TRIM59: variants seen among roughly 807,000 people sequenced by gnomAD.
The protein encoded by TRIM59 is tripartite motif-containing protein 59.
TRIM59 carries 14 observed loss-of-function variants against 32.2 expected under a neutral mutation model. That is an observed-to-expected ratio of 0.43 (90% CI 0.29 to 0.68). The LOEUF (loss-of-function observed/expected upper bound fraction) is 0.68, where lower values mean the gene tolerates loss of function less well. Among genes scored for constraint, TRIM59 ranks in the 30% least tolerant of loss-of-function variants. The pLI, the probability that TRIM59 is intolerant of heterozygous loss-of-function variation, is 0.15. For synonymous variants in TRIM59, 163 were observed against 155.1 expected (o/e 1.05, Z -0.38); for missense variants, 471 against 463.3 (o/e 1.02, Z -0.15).
At chr3:160,447,463 C>T (rs1308886921) in intron 2 of TRIM59, among the ~76,000 whole-genome samples, 3 of 152,126 alleles carry the variant, frequency 2.0e-5, no homozygotes, top group Non-Finnish European at 4.4e-5. Context: ...AAAACAAATA[C>T]ATTTCTGAAT....
chr3:160,443,323 T>A (rs1364331615), intron 2 of TRIM59, among the ~76,000 whole-genome samples: 1 of 151,880 alleles, frequency 6.6e-6, no homozygotes, highest in East Asian at 1.9e-4. Flanking sequence ...TTCCAAACAG[T>A]AAAAACATCA....
At chr3:160,440,120 C>G (rs1292149202) in intron 2 of TRIM59, among the ~76,000 whole-genome samples, 1 of 152,122 alleles carries the variant, frequency 6.6e-6, no homozygotes. Context: ...AATTAGAATA[C>G]AAGAACGCTT....
chr3:160,448,672 C>T, intron 2 of TRIM59, 54 bp downstream of exon 2: 1 of 1,039,766 alleles, frequency 9.6e-7, no homozygotes, highest in Non-Finnish European at 1.3e-6. Flanking sequence ...AAATCATACA[C>T]TCTGTAAAAA....
rs539529055 is a variant in TRIM59 at position 160,443,265 on chromosome 3, A to G, written c.-3-4079T>C. On this transcript the variant is annotated intron_variant, in intron 2 of 2. Transcript: ENST00000309784. Reference sequence around the variant, plus strand: ...AAAAGAACAAAAAATTAACCTATGTATATTTTCTAGGATGAACATCTTGGA... The same window carrying G: ...AAAAGAACAAAAAATTAACCTATGTGTATTTTCTAGGATGAACATCTTGGA... Among the ~76,000 whole-genome samples, 52 of 152,358 alleles carry G rather than the reference A, an allele frequency of 3.4e-4. 2 individuals are homozygous for G. In the South Asian group the frequency reaches 9.9e-3, roughly 29 times the overall value.
At chr3:160,439,327 T>A (rs988667676) in intron 2 of TRIM59, 141 bp from the exon 3 acceptor site, 5 of 653,298 alleles carry the variant, frequency 7.7e-6, no homozygotes, top group South Asian at 1.1e-4. Context: ...TGAAGTTTTC[T>A]GAGTAATTCA....
rs565343489 is a variant in TRIM59, at chr3:160,449,731, G to T, written c.-88C>A. On this transcript the variant is annotated 5_prime_UTR_variant, in exon 1 of 3. Transcript: ENST00000309784. The stretch of plus-strand genomic sequence containing the variant: ...CTTAGACTCACCGCGGGGAGGAAGC[G>T]GACCAGGCAACTCCACAGCACGGAA... 8.5e-6 allele frequency: 11 copies of T among 1,289,970 alleles called. No individual in the cohort carries two copies. In the South Asian group the frequency reaches 9.9e-5, roughly 12 times the overall value. 79.9% of individuals were successfully genotyped at this position (1,289,970 alleles called of 1,614,324 possible). A position where few individuals can be genotyped will look rare whatever the true frequency, so the allele number is the denominator to read the frequency against.
Position 160,436,333 on chromosome 3 carries a change from G to A in TRIM59, c.*1639C>T, listed in dbSNP as rs541752181. The A allele has an allele frequency of 4.3e-5, 42 of 986,188 alleles. No individual in the cohort carries two copies. Among genetic ancestry groups the A allele is most frequent in the African/African-American group, 1.6e-4 (9 of 57,346 alleles). The allele number at this position is 986,188 out of a possible 1,614,324, so 61.1% of individuals were successfully genotyped here. A position where few individuals can be genotyped will look rare whatever the true frequency, so the allele number is the denominator to read the frequency against. On this transcript the variant is annotated 3_prime_UTR_variant, in exon 3 of 3. Coordinates refer to ENST00000309784, the MANE Select transcript of TRIM59 (RefSeq NM_173084.3). ...TGATTTGATATAGGTAAGGCTCTTC[G>A]GTGATCCAAGAGCAGCCCCTTTGGG...
In TRIM59 at chr3:160,448,755, T is replaced by C. The variant is rs1318442358; in HGVS notation, c.-33A>G. 3.9e-6 allele frequency: 5 copies of C among 1,281,708 alleles called. No individual in the cohort carries two copies. In the Middle Eastern group the frequency reaches 8.0e-4, roughly 206 times the overall value. 79.4% of individuals were successfully genotyped at this position (1,281,708 alleles called of 1,614,324 possible). ...TTGATCTCGTGGTTTGGGGGCTGAA[T>C]ACACTCTTCTCCAACTCCTCCAGAA... On this transcript the variant is annotated 5_prime_UTR_variant, in exon 2 of 3. Coordinates refer to ENST00000309784, the MANE Select transcript of TRIM59 (RefSeq NM_173084.3).
At chr3:160,439,454 G>A (rs1244359308) in intron 2 of TRIM59, among the ~76,000 whole-genome samples, 1 of 152,106 alleles carries the variant, frequency 6.6e-6, no homozygotes, top group Non-Finnish European at 1.5e-5. Flanking sequence ...TCAAATTTAA[G>A]TTATTTAAAT....
At chr3:160,443,009 C>T (rs902680182) in intron 2 of TRIM59, among the ~76,000 whole-genome samples, 5 of 152,124 alleles carry the variant, frequency 3.3e-5, no homozygotes, top group African/African-American at 1.2e-4. Flanking sequence ...ATCCCAGCTA[C>T]GCGGGGAGCT....
rs927196126 is a variant in TRIM59 at position 160,436,080 on chromosome 3, C to T, written c.*1892G>A. On this transcript the variant is annotated 3_prime_UTR_variant, in exon 3 of 3. Transcript: ENST00000309784. ...CTAGCTGAGTATGTGTCTCTCCTTACCTCTACTATGCCCTTTAAATGTTCT... is the reference window on the plus strand; with the variant it reads ...CTAGCTGAGTATGTGTCTCTCCTTATCTCTACTATGCCCTTTAAATGTTCT... The T allele has an allele frequency of 8.7e-7, 1 of 1,148,356 alleles. No individual in the cohort carries two copies. Among genetic ancestry groups the T allele is most frequent in the African/African-American group, 1.6e-5 (1 of 61,166 alleles). The allele number at this position is 1,148,356 out of a possible 1,614,324, so 71.1% of individuals were successfully genotyped here.
chr3:160,438,423 A>C lies in TRIM59; in HGVS notation c.761T>G (p.Val254Gly). Residue 254 changes from valine to glycine, a missense_variant, in exon 3 of 3, where the codon GTT (valine) becomes GGT (glycine). Physicochemically the swap from Val to Gly is moderately radical, Grantham distance 109. Coordinates refer to ENST00000309784, the MANE Select transcript of TRIM59 (RefSeq NM_173084.3). ...EESPLKFLEK[V>G]DDVRQHVQIL... is the part of the protein sequence containing the mutation. ...CTGTACATGCTGGCGTACATCATCA[A>C]CTTTTTCAAGAAATTTAAGTGGAGA... 6 of 1,614,020 alleles carry C rather than the reference A, an allele frequency of 3.7e-6. No individual in the cohort carries two copies. The highest frequency in any genetic ancestry group is 5.1e-6 in the Non-Finnish European group (6 of 1,180,000).
At chr3:160,446,538 C>T (rs940418890) in intron 2 of TRIM59, among the ~76,000 whole-genome samples, 3 of 152,148 alleles carry the variant, frequency 2.0e-5, no homozygotes, top group African/African-American at 7.2e-5. Context: ...TTTACATTCA[C>T]ATTATATGTG....
At chr3:160,440,325 T>G (rs1719177017) in intron 2 of TRIM59, among the ~76,000 whole-genome samples, 1 of 152,200 alleles carries the variant, frequency 6.6e-6, no homozygotes, top group Non-Finnish European at 1.5e-5. Context: ...AGAAGACCAT[T>G]AGTCATCTTT....
chr3:160,446,822 G>A (rs933462403), intron 2 of TRIM59, among the ~76,000 whole-genome samples: 5 of 152,176 alleles, frequency 3.3e-5, no homozygotes, highest in Admixed American at 6.5e-5. Flanking sequence ...CTGCGCACGC[G>A]AGGGATCTAG....
chr3:160,439,307 A>C, intron 2 of TRIM59, 121 bp from the exon 3 acceptor site: 2 of 778,224 alleles, frequency 2.6e-6, no homozygotes, highest in South Asian at 4.5e-5. Context: ...AGAACAAGGT[A>C]TTTTTAAAAT....
intron 2 of TRIM59, among the ~76,000 whole-genome samples, chr3:160,441,818 C>A (rs779133156): frequency 6.6e-5 from 10 of 150,830 alleles, no homozygotes; most frequent in Non-Finnish European, 1.5e-4. Context: ...ATATTCAGAT[C>A]CCGAATGAGC....
intron 2 of TRIM59, chr3:160,447,609 C>T (rs1719603460): frequency 6.6e-6 from 1 of 152,234 alleles, no homozygotes; most frequent in African/African-American, 2.4e-5. Context: ...ACCCATTCTC[C>T]TGTGTAAACC....
At position 160,437,863 on chromosome 3, in the gene TRIM59, T is replaced by TC; in HGVS notation, c.*108_*109insG. On this transcript the variant is annotated 3_prime_UTR_variant, in exon 3 of 3. Transcript: ENST00000309784. The stretch of plus-strand genomic sequence containing the variant: ...AGCAACAAATATAAACATTTGTTTA[T>TC]ATTAGTTGCAGCACTAATAAAGCTT... The TC allele has an allele frequency of 1.5e-6, 2 of 1,349,022 alleles. No individual in the cohort carries two copies. The highest frequency in any genetic ancestry group is 1.9e-6 in the Non-Finnish European group (2 of 1,049,070). 83.6% of individuals were successfully genotyped at this position (1,349,022 alleles called of 1,614,324 possible).
Sources: allele counts gnomAD v4.1 joint callset (sites outside exome capture counted in the v4.1 genomes callset), GRCh38; gene constraint gnomAD v4.1.1; transcripts MANE v1.5; gene names NCBI Gene and HGNC (gene_info 2026-07-23, HGNC 2026-07-21).